Variants in TMEFF2 observed in about 807,000 individuals in gnomAD.
The protein encoded by TMEFF2 is tomoregulin-2.
TMEFF2 carries 28 observed loss-of-function variants against 53.8 expected under a neutral mutation model. That is an observed-to-expected ratio of 0.52 (90% CI 0.39 to 0.71). The LOEUF is 0.71. Among genes scored for constraint, TMEFF2 ranks in the 30% least tolerant of loss-of-function variants. The pLI is 0.00. For synonymous variants in TMEFF2, 162 were observed against 166.3 expected, an observed-to-expected ratio of 0.97 and a Z score of 0.20; for missense variants, 353 against 455.2, an observed-to-expected ratio of 0.78 and a Z score of 2.04.
intron 4 of TMEFF2, among the ~76,000 whole-genome samples, chr2:192,120,429 A>G (rs545999661): frequency 1.6e-4 from 25 of 152,256 alleles, no homozygotes; most frequent in South Asian, 2.1e-4. Context: ...ATGTTTACCT[A>G]TTGTGCGTGT....
At chr2:191,955,550 G>GAGAT (rs1433371905) in intron 8 of TMEFF2, among the ~76,000 whole-genome samples, 10 of 11,474 alleles carry the variant, frequency 8.7e-4, no homozygotes, top group Non-Finnish European at 1.8e-3. Context: ...TTTTTTTTTA[G>GAGAT]AGATAGGATC....
At chr2:192,024,132 C>A (rs1184136441) in intron 5 of TMEFF2, among the ~76,000 whole-genome samples, 1 of 151,964 alleles carries the variant, frequency 6.6e-6, no homozygotes, top group Non-Finnish European at 1.5e-5. Context: ...AATGTATTTC[C>A]CATAGATGAG....
At chr2:192,191,596 G>C (rs1352575500) in intron 2 of TMEFF2, among the ~76,000 whole-genome samples, 1 of 152,132 alleles carries the variant, frequency 6.6e-6, no homozygotes, top group Non-Finnish European at 1.5e-5. Context: ...CACTTTTAAA[G>C]TGATGCTAGA....
chr2:192,130,887 C>A (rs909362487), intron 4 of TMEFF2, among the ~76,000 whole-genome samples: 2 of 146,724 alleles, frequency 1.4e-5, no homozygotes, highest in Admixed American at 1.4e-4. Context: ...GGGGTACTTG[C>A]CCCAAAACTC....
At chr2:191,971,615 A>T (rs1047830029) in intron 7 of TMEFF2, among the ~76,000 whole-genome samples, 5 of 152,172 alleles carry the variant, frequency 3.3e-5, no homozygotes, top group Non-Finnish European at 7.4e-5. Flanking sequence ...GTTTTCTCTC[A>T]TGAGGTTTCT....
intron 7 of TMEFF2, among the ~76,000 whole-genome samples, chr2:191,991,443 T>G (rs947801277): frequency 6.6e-6 from 1 of 152,156 alleles, no homozygotes; most frequent in Admixed American, 6.6e-5. Context: ...ATTTGCTTGT[T>G]AATGCCTTAC....
chr2:192,162,744 C>A (rs1690665859), intron 4 of TMEFF2, among the ~76,000 whole-genome samples: 1 of 152,052 alleles, frequency 6.6e-6, no homozygotes, highest in Non-Finnish European at 1.5e-5. Context: ...CTTTTAAAAA[C>A]CAAACAATAA....
At chr2:192,123,574 T>C (rs1266224104) in intron 4 of TMEFF2, among the ~76,000 whole-genome samples, 2 of 152,210 alleles carry the variant, frequency 1.3e-5, no homozygotes, top group African/African-American at 4.8e-5. Flanking sequence ...TATTTACTAT[T>C]AGCAAAATAA....
Position 192,075,332 on chromosome 2 carries a change from T to TACACAC in TMEFF2, c.440-17558_440-17557insGTGTGT, listed in dbSNP as rs1553518845. Among the ~76,000 whole-genome samples the TACACAC allele has an allele frequency of 5.8e-3, 515 of 88,102 alleles. 16 individuals are homozygous for TACACAC. Among genetic ancestry groups the TACACAC allele is most frequent in the Middle Eastern group, 0.016 (3 of 190 alleles). 57.8% of individuals were successfully genotyped at this position (88,102 alleles called of 152,430 possible). A position where few individuals can be genotyped will look rare whatever the true frequency, so the allele number is the denominator to read the frequency against. On this transcript the variant is annotated intron_variant, in intron 4 of 9. Coordinates refer to ENST00000272771, the MANE Select transcript of TMEFF2 (RefSeq NM_016192.4). ...ATATATATATATATATATATATATA[T>TACACAC]ACATACATACTATGTATATCCTTGC...
At chr2:191,985,836 A>G (rs1685962656) in intron 7 of TMEFF2, among the ~76,000 whole-genome samples, 2 of 152,198 alleles carry the variant, frequency 1.3e-5, no homozygotes, top group Non-Finnish European at 2.9e-5. Context: ...ACTTTATTTC[A>G]GTAGGTAAGA....
At chr2:191,979,576 C>T (rs377448874) in intron 7 of TMEFF2, among the ~76,000 whole-genome samples, 1 of 152,046 alleles carries the variant, frequency 6.6e-6, no homozygotes, top group South Asian at 2.1e-4. Flanking sequence ...CAGAGAGCAG[C>T]TTATTTATAT....
intron 4 of TMEFF2, among the ~76,000 whole-genome samples, chr2:192,126,655 T>C (rs965857293): frequency 6.6e-6 from 1 of 152,166 alleles, no homozygotes; most frequent in Admixed American, 6.5e-5. Flanking sequence ...GAAGGAGAAA[T>C]GACTAACACT....
intron 5 of TMEFF2, among the ~76,000 whole-genome samples, chr2:192,056,826 C>G (rs183842153): frequency 1.3e-5 from 2 of 152,248 alleles, no homozygotes; most frequent in African/African-American, 4.8e-5. Flanking sequence ...CTCCACAGAC[C>G]TCCCTTGCCC....
Position 192,164,020 on chromosome 2 carries a change from CTATAA to C in TMEFF2, c.439+15643_439+15647del, listed in dbSNP as rs1385408622. Among the ~76,000 whole-genome samples, 3 of 152,184 alleles carry C rather than the reference CTATAA, an allele frequency of 2.0e-5. No homozygotes were observed. In the East Asian group the frequency reaches 5.8e-4, roughly 29 times the overall value. ...GTCAGGATCCTCTTTGCCTGCTCCA[CTATAA>C]TAATCTTTTTATTGCTTTCTTTGCA... On this transcript the variant is annotated intron_variant, in intron 4 of 9. Coordinates refer to ENST00000272771, the MANE Select transcript of TMEFF2 (RefSeq NM_016192.4).
intron 4 of TMEFF2, among the ~76,000 whole-genome samples, chr2:192,069,416 A>G (rs1008733770): frequency 6.6e-6 from 1 of 151,802 alleles, no homozygotes; most frequent in Non-Finnish European, 1.5e-5. Flanking sequence ...ATAGATAACA[A>G]GAAGAAAAAT....
intron 4 of TMEFF2, among the ~76,000 whole-genome samples, chr2:192,127,611 T>A (rs1689708060): frequency 1.3e-5 from 2 of 152,206 alleles, no homozygotes; most frequent in South Asian, 4.1e-4. Context: ...AAAATTGTGC[T>A]TCAACACATG....
chr2:192,106,873 C>T (rs966377893), intron 4 of TMEFF2, among the ~76,000 whole-genome samples: 4 of 151,608 alleles, frequency 2.6e-5, no homozygotes, highest in Non-Finnish European at 5.9e-5. Flanking sequence ...ATTCAGTGAA[C>T]GGAGAGAAGT....
intron 4 of TMEFF2, among the ~76,000 whole-genome samples, chr2:192,110,932 C>T (rs1368116863): frequency 1.3e-5 from 2 of 152,068 alleles, no homozygotes; most frequent in Non-Finnish European, 2.9e-5. Context: ...AAGGGGAAGC[C>T]CTTTTTTGCT....
chr2:192,083,537 CTGAAT>C lies in TMEFF2; in HGVS notation c.440-25767_440-25763del, dbSNP rs1469773396. On this transcript the variant is annotated intron_variant, in intron 4 of 9. Transcript: ENST00000272771. ...AATTATAAATACTTGATGAAGTGAA[CTGAAT>C]TGAACTTCTCCCTCTGCTATATTAA... Among the ~76,000 whole-genome samples, 7 of 152,140 alleles carry C rather than the reference CTGAAT, an allele frequency of 4.6e-5. No homozygotes were observed. In the East Asian group the frequency reaches 5.8e-4, roughly 13 times the overall value.
Sources: gnomAD v4.1 joint callset for allele counts (sites outside exome capture counted in the v4.1 genomes callset) on GRCh38, gnomAD v4.1.1 for gene constraint, MANE v1.5 for transcripts, NCBI Gene and HGNC (gene_info 2026-07-23, HGNC 2026-07-21) for gene names.